Variants in SLK observed in about 807,000 individuals in gnomAD.
The protein encoded by SLK is STE20-like serine/threonine-protein kinase.
SLK carries 67 observed loss-of-function variants against 147.7 expected under a neutral mutation model. The ratio of observed to expected loss-of-function variants is 0.45; its 90% CI spans 0.37 to 0.56. The LOEUF (loss-of-function observed/expected upper bound fraction) is 0.56, where lower values mean the gene tolerates loss of function less well. SLK is among the 20% of genes least tolerant of loss of function. The pLI, the probability that SLK is intolerant of heterozygous loss-of-function variation, is 0.00. For synonymous variants in SLK, 441 were observed against 475.0 expected (o/e 0.93, Z 0.93); for missense variants, 1,136 against 1,438.8 (o/e 0.79, Z 3.41).
rs1024742932 is a variant in SLK, at chr10:104,027,379, A to G, written c.*1659A>G. On this transcript the variant is annotated 3_prime_UTR_variant, in exon 19 of 19. Transcript: ENST00000369755. ...TTGTTTTTTATATAAATATATATAC[A>G]TATATACATATTATGTATGGTTGTA... 24 of 152,660 alleles carry G rather than the reference A, an allele frequency of 1.6e-4. No homozygotes were observed. Among genetic ancestry groups the G allele is most frequent in the African/African-American group, 5.5e-4 (23 of 41,548 alleles). The allele number at this position is 152,660 out of a possible 1,614,324, so 9.5% of individuals were successfully genotyped here. A position where few individuals can be genotyped will look rare whatever the true frequency, so the allele number is the denominator to read the frequency against.
At chr10:103,973,717 T>C (rs942182072) in intron 1 of SLK, among the ~76,000 whole-genome samples, 1 of 152,224 alleles carries the variant, frequency 6.6e-6, no homozygotes, top group African/African-American at 2.4e-5. Context: ...TTAAATACTT[T>C]GTTTTTCCTG....
intron 17 of SLK, 48 bp from the exon 18 acceptor site, chr10:104,021,572 A>C: frequency 2.1e-6 from 2 of 956,368 alleles, no homozygotes; most frequent in Non-Finnish European, 3.3e-6. Context: ...TTTGTGAAAA[A>C]TTGCTTAGTT....
intron 4 of SLK, among the ~76,000 whole-genome samples, chr10:103,995,758 C>A (rs775469945): frequency 1.3e-5 from 2 of 152,050 alleles, no homozygotes; most frequent in Non-Finnish European, 2.9e-5. Flanking sequence ...GCCCTGGTTT[C>A]TTTTAGTAGA....
intron 1 of SLK, among the ~76,000 whole-genome samples, chr10:103,989,281 A>G (rs1293410254): frequency 1.3e-5 from 2 of 152,166 alleles, no homozygotes; most frequent in Non-Finnish European, 2.9e-5. Flanking sequence ...GCTCGACATC[A>G]TATGTCATCA....
At chr10:103,974,425 C>T (rs1843833333) in intron 1 of SLK, 1 of 149,188 alleles carries the variant, frequency 6.7e-6, no homozygotes, top group South Asian at 2.1e-4. Context: ...TCCTGGCTAA[C>T]ACGGTGAAAC....
intron 1 of SLK, among the ~76,000 whole-genome samples, chr10:103,970,755 C>A (rs1843782438): frequency 6.6e-6 from 1 of 152,100 alleles, no homozygotes; most frequent in South Asian, 2.1e-4. Context: ...TTCTAACTAT[C>A]ATTTGCTTAC....
In SLK at chr10:104,020,560, C is replaced by G. The variant is rs147985366; in HGVS notation, c.3394C>G (p.Arg1132Gly). Residue 1132 changes from arginine (R) to glycine (G), a missense_variant, in exon 17 of 19, where the codon CGA (arginine) becomes GGA (glycine). By Grantham distance (125) the Arg-to-Gly change is moderately radical (BLOSUM62 -2). Around this residue, in one of 6 missense-constraint regions of SLK, gnomAD observed 327 missense variants for 457.5 expected, o/e 0.71. Transcript: ENST00000369755. ...AQHQKHENQM[R>G]DLQLQCEANV... ...GCATCAGAAACATGAGAATCAAATG[C>G]GAGATCTTCAGTTGCAGTGTGAAGC... 1 of 1,613,570 alleles carries G rather than the reference C, an allele frequency of 6.2e-7. No individual in the cohort carries two copies. The highest frequency in any genetic ancestry group is 1.3e-5 in the African/African-American group (1 of 74,928).
At chr10:103,991,679 G>T (rs1194545327) in intron 2 of SLK, among the ~76,000 whole-genome samples, 1 of 151,680 alleles carries the variant, frequency 6.6e-6, no homozygotes. Context: ...ATAATGTAAT[G>T]AATTTGAAAA....
intron 9 of SLK, among the ~76,000 whole-genome samples, chr10:104,004,069 T>TC (rs1379346387): frequency 1.3e-5 from 2 of 148,158 alleles, no homozygotes; most frequent in Non-Finnish European, 3.0e-5. Context: ...CTGGAGTGGG[T>TC]CCCAAGGATC....
rs1844574055 is a variant in SLK at position 104,024,555 on chromosome 10, G to GT, written c.3562-1016dup. Among the ~76,000 whole-genome samples, 4 of 152,308 alleles carry GT rather than the reference G, an allele frequency of 2.6e-5. No homozygotes were observed. The South Asian group carries it at 8.3e-4, about 32-fold the overall frequency. ...CCTCGGCTTCCTGCCTTTGTGCTGT[G>GT]TTTCGGCTCTGTTTCTGGCATGCCT... On this transcript the variant is annotated intron_variant, in intron 18 of 18. Coordinates refer to ENST00000369755, the MANE Select transcript of SLK (RefSeq NM_014720.4).
At chr10:104,023,601 G>A (rs780061335) in intron 18 of SLK, among the ~76,000 whole-genome samples, 3 of 152,092 alleles carry the variant, frequency 2.0e-5, no homozygotes, top group Non-Finnish European at 2.9e-5. Context: ...GGCAGTAAGC[G>A]CCCATTTTCC....
At chr10:104,022,486 G>A (rs1589548796) in intron 18 of SLK, among the ~76,000 whole-genome samples, 2 of 152,076 alleles carry the variant, frequency 1.3e-5, no homozygotes, top group Non-Finnish European at 2.9e-5. Context: ...TGTTTTGGGG[G>A]GAGCTTCCTG....
intron 7 of SLK, among the ~76,000 whole-genome samples, chr10:104,000,915 C>T (rs761198728): frequency 3.3e-5 from 5 of 151,694 alleles, no homozygotes; most frequent in East Asian, 1.9e-4. Flanking sequence ...AAAAATCAGC[C>T]GGGCATGGTG....
chr10:103,991,144 A>G (rs1282467564), intron 2 of SLK, among the ~76,000 whole-genome samples: 1 of 152,168 alleles, frequency 6.6e-6, no homozygotes, highest in Non-Finnish European at 1.5e-5. Flanking sequence ...GTCCTTGTTT[A>G]TAATTTAAAT....
intron 11 of SLK, among the ~76,000 whole-genome samples, chr10:104,007,697 G>A (rs567195053): frequency 1.1e-4 from 17 of 151,612 alleles, no homozygotes; most frequent in South Asian, 4.1e-4. Context: ...TTGGGAGGCC[G>A]AAGCAGGAGG....
Position 103,990,705 on chromosome 10 carries a change from G to T in SLK, c.181G>T (p.Ala61Ser). The change falls in exon 2 of 19, where the codon GCT (alanine) becomes TCT (serine). Residue 61 changes from alanine (A) to serine (S), a missense_variant. Around this residue, in one of 6 missense-constraint regions of SLK, gnomAD observed 126 missense variants for 141.3 expected, o/e 0.89. Coordinates refer to ENST00000369755, the MANE Select transcript of SLK (RefSeq NM_014720.4). ...AQNKETSVLA[A>S]AKVIDTKSEE... ...GAATAAAGAGACCAGTGTTTTAGCT[G>T]CTGCAAAAGTGATTGACACTAAATC... The T allele has an allele frequency of 6.4e-7, 1 of 1,567,740 alleles. No individual in the cohort carries two copies. The highest frequency in any genetic ancestry group is 1.9e-5 in the Admixed American group (1 of 52,150).
chr10:104,009,757 T>A (rs1269928275), intron 12 of SLK, among the ~76,000 whole-genome samples: 1 of 151,834 alleles, frequency 6.6e-6, no homozygotes, highest in East Asian at 1.9e-4. Flanking sequence ...GATCGTGATA[T>A]GCATATTTTA....
Position 104,002,566 on chromosome 10 carries a change from T to C in SLK, c.1388T>C (p.Ile463Thr), listed in dbSNP as rs902680664. 26 of 1,605,296 alleles carry C rather than the reference T, an allele frequency of 1.6e-5. No individual in the cohort carries two copies. The highest frequency in any genetic ancestry group is 2.0e-5 in the Non-Finnish European group (24 of 1,175,636). Reference sequence around the variant, plus strand: ...ATAATGATAACCTTAGAAACAAATATTGAACATAATCTAAAATCTGAGGAA... The same window carrying C: ...ATAATGATAACCTTAGAAACAAATACTGAACATAATCTAAAATCTGAGGAA... ...NNIMITLETNIEHNLKSEEEK... is the reference protein window; with the variant it reads ...NNIMITLETNTEHNLKSEEEK... The change falls in exon 9 of 19, where the codon ATT (isoleucine) becomes ACT (threonine). Residue 463 changes from isoleucine (I) to threonine (T), a missense_variant. Physicochemically the swap from Ile to Thr is moderately conservative, Grantham distance 89 (BLOSUM62 -1). Transcript: ENST00000369755.
Position 104,003,538 on chromosome 10 carries a change from A to C in SLK, c.2349+11A>C. On this transcript the variant is annotated intron_variant, in intron 9 of 18. Coordinates refer to ENST00000369755, the MANE Select transcript of SLK (RefSeq NM_014720.4). The stretch of plus-strand genomic sequence containing the variant: ...TCGATATCTTTACAAGTAAGTGTAC[A>C]TGAGTCATTGTTTGGGTTTTCCTTT... 1.3e-6 allele frequency: 2 copies of C among 1,526,856 alleles called. No individual in the cohort carries two copies. Among genetic ancestry groups the C allele is most frequent in the Non-Finnish European group, 1.8e-6 (2 of 1,139,788 alleles). The allele number at this position is 1,526,856 out of a possible 1,614,324, so 94.6% of individuals were successfully genotyped here.
Sources: allele counts gnomAD v4.1 joint callset (sites outside exome capture counted in the v4.1 genomes callset), GRCh38; gene constraint gnomAD v4.1.1; regional missense constraint gnomAD v4.1.1; transcripts MANE v1.5; gene names NCBI Gene and HGNC (gene_info 2026-07-23, HGNC 2026-07-21).